The following CNGB3 variants were observed in gnomAD, a reference collection of about 807,000 sequenced individuals.
CNGB3 encodes the protein cyclic nucleotide gated channel subunit beta 3.
CNGB3 carries 86 observed loss-of-function variants against 92.8 expected under a neutral mutation model. The observed-to-expected ratio is 0.93, with a 90% confidence interval of 0.78 to 1.11. The LOEUF (loss-of-function observed/expected upper bound fraction) is 1.11, where lower values mean the gene tolerates loss of function less well. Ranked by LOEUF, CNGB3 falls within the 50% of genes least tolerant of loss-of-function variation. CNGB3 has a pLI of 0.00. For missense variants in CNGB3, 1,026 were observed against 956.8 expected, an observed-to-expected ratio of 1.07 and a Z score of -0.95; for synonymous variants, 333 against 332.7, an observed-to-expected ratio of 1.00 and a Z score of -0.01.
chr8:86,632,134 G>A (rs1427251619), intron 11 of CNGB3, among the ~76,000 whole-genome samples: 1 of 150,494 alleles, frequency 6.6e-6, no homozygotes, highest in Admixed American at 6.7e-5. Context: ...AGGAGGCTGA[G>A]GCTGCAGTGA....
chr8:86,721,900 T>C (rs1824977855), intron 3 of CNGB3, among the ~76,000 whole-genome samples: 1 of 152,234 alleles, frequency 6.6e-6, no homozygotes. Flanking sequence ...TCAGTGTTTA[T>C]GAGTGGTGAT....
intron 3 of CNGB3, among the ~76,000 whole-genome samples, chr8:86,695,166 G>GC (rs35827311): frequency 0.89 from 135,603 of 152,102 alleles, 60,742 homozygotes; most frequent in East Asian, 1. Flanking sequence ...GCGTGGCGGT[G>GC]GCGCCTGCAA....
chr8:86,645,615 T>G (rs891607385), intron 8 of CNGB3, among the ~76,000 whole-genome samples: 1 of 151,430 alleles, frequency 6.6e-6, no homozygotes, highest in African/African-American at 2.4e-5. Context: ...AACGTAGATA[T>G]GACTGCAATA....
chr8:86,596,470 CA>C (rs1191923007), intron 15 of CNGB3, among the ~76,000 whole-genome samples: 1 of 152,108 alleles, frequency 6.6e-6, no homozygotes, highest in Non-Finnish European at 1.5e-5. Flanking sequence ...TGAAAACTGA[CA>C]AAAAGGGCAC....
At chr8:86,637,308 A>G (rs1354608576) in intron 10 of CNGB3, among the ~76,000 whole-genome samples, 11 of 152,086 alleles carry the variant, frequency 7.2e-5, no homozygotes. Context: ...ATTTTGTTTC[A>G]TTGGACCATA....
At chr8:86,598,430 GT>G in intron 15 of CNGB3, among the ~76,000 whole-genome samples, 1 of 152,184 alleles carries the variant, frequency 6.6e-6, no homozygotes, top group East Asian at 1.9e-4. Context: ...AGCATGTTTT[GT>G]TTATCCCCAG....
intron 6 of CNGB3, among the ~76,000 whole-genome samples, chr8:86,654,749 T>C (rs1823470690): frequency 6.6e-6 from 1 of 152,224 alleles, no homozygotes; most frequent in Admixed American, 6.5e-5. Flanking sequence ...AGTTTACTTA[T>C]ATCTTCACTT....
Position 86,670,951 on chromosome 8 carries a change from T to C in CNGB3, c.486A>G (p.Pro162=), listed in dbSNP as rs2131618854. ...GGAGGGAGCAATGCTTACCAGTTTGTGGGCTGGCTTCGGGTGAGGAGAGAT... is the reference window on the plus strand; with the variant it reads ...GGAGGGAGCAATGCTTACCAGTTTGCGGGCTGGCTTCGGGTGAGGAGAGAT... ...EGDLSSPEAS[P]QTAKPTAVPP... Residue 162 remains proline (P), a synonymous_variant, in exon 4 of 18, where the codon CCA becomes CCG. Transcript: ENST00000320005. 6.2e-7 allele frequency: 1 copy of C among 1,612,396 alleles called. No individual in the cohort carries two copies. The highest frequency in any genetic ancestry group is 8.5e-7 in the Non-Finnish European group (1 of 1,179,982).
At chr8:86,730,042 G>T (rs546306868) in intron 2 of CNGB3, among the ~76,000 whole-genome samples, 1 of 152,286 alleles carries the variant, frequency 6.6e-6, no homozygotes, top group African/African-American at 2.4e-5. Flanking sequence ...TTCTGACGTG[G>T]TTGCCTTTAC....
chr8:86,731,206 A>C (rs530420226), intron 2 of CNGB3, among the ~76,000 whole-genome samples: 5 of 152,346 alleles, frequency 3.3e-5, no homozygotes, highest in African/African-American at 1.2e-4. Context: ...CAACTTGTCT[A>C]ACCACAAAAT....
intron 15 of CNGB3, among the ~76,000 whole-genome samples, chr8:86,584,513 T>C (rs764711243): frequency 4.6e-5 from 7 of 152,162 alleles, no homozygotes; most frequent in Admixed American, 2.6e-4. Context: ...ATGGAAGAAA[T>C]AGTCTGTCTG....
intron 6 of CNGB3, among the ~76,000 whole-genome samples, chr8:86,662,135 G>A (rs1366922636): frequency 2.0e-5 from 3 of 152,190 alleles, no homozygotes; most frequent in African/African-American, 7.2e-5. Context: ...GTGAGCCTGC[G>A]CCAAGCCGCA....
In CNGB3 at chr8:86,666,984, G is replaced by T; in HGVS notation, c.793C>A (p.Leu265Ile). ...GGCTGGATAAATAGCATATCATAAAGGTAGATGATATCACATATGATGTCC... is the reference window on the plus strand; with the variant it reads ...GGCTGGATAAATAGCATATCATAAATGTAGATGATATCACATATGATGTCC... ...IADIICDIIY[L>I]YDMLFIQPRL... Residue 265 changes from leucine (L) to isoleucine (I), a missense_variant, in exon 6 of 18, where the codon CTT (leucine) becomes ATT (isoleucine). Physicochemically the swap from Leu to Ile is conservative, Grantham distance 5 (BLOSUM62 2). Coordinates refer to ENST00000320005, the MANE Select transcript of CNGB3 (RefSeq NM_019098.5). The T allele has an allele frequency of 1.9e-6, 3 of 1,613,594 alleles. No individual in the cohort carries two copies. Among genetic ancestry groups the T allele is most frequent in the Non-Finnish European group, 1.7e-6 (2 of 1,179,928 alleles).
At chr8:86,711,829 CTCTCTCTA>C (rs1310310735) in intron 3 of CNGB3, among the ~76,000 whole-genome samples, 3 of 125,148 alleles carry the variant, frequency 2.4e-5, no homozygotes, top group East Asian at 4.2e-4. Context: ...CTCTCTCTCT[CTCTCTCTA>C]TATATATATA....
intron 12 of CNGB3, 95 bp from the exon 13 acceptor site, chr8:86,626,175 C>A: frequency 1.1e-6 from 1 of 873,118 alleles, no homozygotes. Flanking sequence ...ATAAAGGAAA[C>A]AAAATGCAAA....
chr8:86,634,085 A>C (rs970793862), intron 10 of CNGB3, among the ~76,000 whole-genome samples: 2 of 152,192 alleles, frequency 1.3e-5, no homozygotes, highest in African/African-American at 4.8e-5. Flanking sequence ...TGAGAAAAGA[A>C]TATGATAAGG....
chr8:86,684,244 G>T (rs984684759), intron 3 of CNGB3, among the ~76,000 whole-genome samples: 3 of 152,038 alleles, frequency 2.0e-5, no homozygotes, highest in East Asian at 1.9e-4. Context: ...TAAATGAAAA[G>T]GTGTCTCGCA....
In CNGB3 at chr8:86,628,615, G is replaced by A. The variant is rs887321779; in HGVS notation, c.1480+304C>T. Among the ~76,000 whole-genome samples the A allele has an allele frequency of 1.3e-5, 2 of 152,150 alleles. 1 individual carries two copies. Among genetic ancestry groups the A allele is most frequent in the Admixed American group, 1.3e-4 (2 of 15,256 alleles). The stretch of plus-strand genomic sequence containing the variant: ...CCATTTTCTACCCTTCAAAGGGATA[G>A]ACAATGCCTAATTTTCCCACTTCCT... On this transcript the variant is annotated intron_variant, in intron 12 of 17. Transcript: ENST00000320005.
intron 3 of CNGB3, among the ~76,000 whole-genome samples, chr8:86,717,711 A>G (rs1040460171): frequency 2.0e-5 from 3 of 152,174 alleles, no homozygotes; most frequent in African/African-American, 4.8e-5. Context: ...CAGAATATAC[A>G]TTCTATTCAT....
Sources: allele counts gnomAD v4.1 joint callset (sites outside exome capture counted in the v4.1 genomes callset), GRCh38; gene constraint gnomAD v4.1.1; transcripts MANE v1.5; gene names NCBI Gene and HGNC (gene_info 2026-07-23, HGNC 2026-07-21).